Variants in SEMA5A observed in about 807,000 individuals in gnomAD.
The protein encoded by SEMA5A is semaphorin 5A.
SEMA5A carries 55 observed loss-of-function variants against 135.5 expected under a neutral mutation model. The ratio of observed to expected loss-of-function variants is 0.41; its 90% CI spans 0.33 to 0.51. The LOEUF (loss-of-function observed/expected upper bound fraction) is 0.51. Among genes scored for constraint, SEMA5A ranks in the 20% least tolerant of loss-of-function variants. SEMA5A has a pLI of 0.37. For synonymous variants in SEMA5A, 580 were observed against 546.5 expected, an observed-to-expected ratio of 1.06 and a Z score of -0.85; for missense variants, 1,290 against 1,419.9, an observed-to-expected ratio of 0.91 and a Z score of 1.47.
chr5:9,379,559 C>T (rs1252777386), intron 3 of SEMA5A, among the ~76,000 whole-genome samples: 1 of 152,182 alleles, frequency 6.6e-6, no homozygotes, highest in Non-Finnish European at 1.5e-5. Context: ...CCCACAGTAC[C>T]TGTTAAATAA....
intron 2 of SEMA5A, among the ~76,000 whole-genome samples, chr5:9,428,161 TATCTATCCATCC>T (rs1561245255): frequency 1.5e-5 from 2 of 136,644 alleles, no homozygotes; most frequent in Admixed American, 7.1e-5. Flanking sequence ...TCTATCTATC[TATCTATCCATCC>T]ATCCATCCAT....
intron 6 of SEMA5A, among the ~76,000 whole-genome samples, chr5:9,237,220 A>T (rs1747958538): frequency 6.6e-6 from 1 of 152,192 alleles, no homozygotes; most frequent in Non-Finnish European, 1.5e-5. Context: ...TTTCTCAAAG[A>T]CACATAGTCT....
chr5:9,250,736 T>C (rs920094613), intron 5 of SEMA5A, among the ~76,000 whole-genome samples: 2 of 152,132 alleles, frequency 1.3e-5, no homozygotes, highest in African/African-American at 4.8e-5. Flanking sequence ...GAATTCTGTG[T>C]CCTAAGTCAA....
At chr5:9,285,831 G>A (rs1750768602) in intron 5 of SEMA5A, among the ~76,000 whole-genome samples, 1 of 152,192 alleles carries the variant, frequency 6.6e-6, no homozygotes, top group African/African-American at 2.4e-5. Flanking sequence ...CTGCTTCATG[G>A]GGAGCAAAAG....
intron 10 of SEMA5A, among the ~76,000 whole-genome samples, chr5:9,190,949 A>G (rs1376269560): frequency 6.6e-6 from 1 of 152,222 alleles, no homozygotes; most frequent in Non-Finnish European, 1.5e-5. Context: ...AGCTGATAGC[A>G]TTAGGTCATT....
At chr5:9,123,683 A>T (rs1740952847) in intron 13 of SEMA5A, among the ~76,000 whole-genome samples, 1 of 152,184 alleles carries the variant, frequency 6.6e-6, no homozygotes, top group Non-Finnish European at 1.5e-5. Context: ...TTATCATTAA[A>T]GACTTGGTTT....
intron 5 of SEMA5A, among the ~76,000 whole-genome samples, chr5:9,313,191 T>C (rs1310642096): frequency 6.6e-6 from 1 of 152,162 alleles, no homozygotes; most frequent in Admixed American, 6.5e-5. Context: ...GCTAAACCAA[T>C]GTCAAAGCAG....
intron 16 of SEMA5A, among the ~76,000 whole-genome samples, chr5:9,086,581 T>A (rs1288851852): frequency 1.3e-5 from 2 of 152,258 alleles, no homozygotes; most frequent in Non-Finnish European, 2.9e-5. Flanking sequence ...TAAACCTCTT[T>A]CTTTTGTAAA....
chr5:9,070,089 G>A (rs1451078875), intron 16 of SEMA5A, among the ~76,000 whole-genome samples: 14 of 152,128 alleles, frequency 9.2e-5, no homozygotes, highest in Admixed American at 2.0e-4. Context: ...CATGCAGCTC[G>A]GCCATGCGTG....
intron 5 of SEMA5A, among the ~76,000 whole-genome samples, chr5:9,312,525 C>T (rs151243356): frequency 6.6e-6 from 1 of 152,158 alleles, no homozygotes; most frequent in African/African-American, 2.4e-5. Context: ...TTAAGGCATA[C>T]CTGTCTGAAA....
At chr5:9,268,565 G>C (rs1749799005) in intron 5 of SEMA5A, among the ~76,000 whole-genome samples, 1 of 152,134 alleles carries the variant, frequency 6.6e-6, no homozygotes, top group African/African-American at 2.4e-5. Context: ...GCTAAATTAT[G>C]ATGGAACTAA....
At chr5:9,487,079 GAAGAA>G (rs1734774006) in intron 1 of SEMA5A, among the ~76,000 whole-genome samples, 1 of 151,804 alleles carries the variant, frequency 6.6e-6, no homozygotes, top group Non-Finnish European at 1.5e-5. Flanking sequence ...CAAGTTATGG[GAAGAA>G]AAGTAACATA....
intron 8 of SEMA5A, among the ~76,000 whole-genome samples, chr5:9,203,890 T>C (rs1245985950): frequency 6.6e-6 from 1 of 152,140 alleles, no homozygotes; most frequent in Non-Finnish European, 1.5e-5. Context: ...ATAGTATGCT[T>C]TAATATCCTG....
intron 3 of SEMA5A, among the ~76,000 whole-genome samples, chr5:9,346,945 T>A (rs1253943941): frequency 6.6e-6 from 1 of 152,030 alleles, no homozygotes; most frequent in East Asian, 1.9e-4. Context: ...TGCCTAAGTG[T>A]ATTCAAATAG....
At chr5:9,235,921 T>C (rs1358581486) in intron 6 of SEMA5A, among the ~76,000 whole-genome samples, 9 of 152,126 alleles carry the variant, frequency 5.9e-5, no homozygotes, top group African/African-American at 2.2e-4. Flanking sequence ...GGACTCATAG[T>C]TCCACATGAC....
At chr5:9,241,134 G>A (rs1748170059) in intron 5 of SEMA5A, among the ~76,000 whole-genome samples, 1 of 152,042 alleles carries the variant, frequency 6.6e-6, no homozygotes, top group Admixed American at 6.6e-5. Context: ...AGATACAGTA[G>A]GCAGTGAGTT....
At chr5:9,108,363 C>T in intron 15 of SEMA5A, 76 bp from the exon 16 acceptor site, 1 of 1,546,144 alleles carries the variant, frequency 6.5e-7, no homozygotes, top group Non-Finnish European at 8.9e-7. Context: ...ATCTCCATCC[C>T]TGCACCAGAT....
chr5:9,269,854 G>T lies in SEMA5A; in HGVS notation c.271-31964C>A, dbSNP rs369327447. On this transcript the variant is annotated intron_variant, in intron 5 of 22. Coordinates refer to ENST00000382496, the MANE Select transcript of SEMA5A (RefSeq NM_003966.3). Reference sequence around the variant, plus strand: ...TAGGAAGCCAGTGTTATTAAATTCCGTATGACAATGAACTCCATCCAGTCC... The same window carrying T: ...TAGGAAGCCAGTGTTATTAAATTCCTTATGACAATGAACTCCATCCAGTCC... Among the ~76,000 whole-genome samples the T allele has an allele frequency of 1.3e-5, 2 of 152,020 alleles. 1 individual carries two copies.
chr5:9,459,641 A>T (rs369519580), intron 1 of SEMA5A, among the ~76,000 whole-genome samples: 1 of 152,352 alleles, frequency 6.6e-6, no homozygotes, highest in South Asian at 2.1e-4. Flanking sequence ...ACAAAGCCAG[A>T]TCTAGACTCC....
Sources: allele counts gnomAD v4.1 joint callset (sites outside exome capture counted in the v4.1 genomes callset), GRCh38; gene constraint gnomAD v4.1.1; transcripts MANE v1.5; gene names NCBI Gene and HGNC (gene_info 2026-07-23, HGNC 2026-07-21).